PTPRN2: variants seen among roughly 807,000 people sequenced by gnomAD.
PTPRN2 encodes receptor-type tyrosine-protein phosphatase N2.
A neutral mutation model predicts 118.8 loss-of-function variants in PTPRN2; 74 were observed. The ratio of observed to expected loss-of-function variants is 0.62; its 90% confidence interval spans 0.52 to 0.76. The LOEUF is 0.76. Ranked by LOEUF, PTPRN2 falls within the 30% of genes least tolerant of loss-of-function variation. The pLI is 0.00. For synonymous variants in PTPRN2, 641 were observed against 608.0 expected, an observed-to-expected ratio of 1.05 and a Z score of -0.80; for missense variants, 1,481 against 1,394.4, an observed-to-expected ratio of 1.06 and a Z score of -0.99.
At chr7:158,560,608 C>G (rs1405630026) in intron 1 of PTPRN2, among the ~76,000 whole-genome samples, 2 of 152,280 alleles carry the variant, frequency 1.3e-5, no homozygotes, top group Non-Finnish European at 2.9e-5. Flanking sequence ...CGGTTCCTCA[C>G]TGTGTCCCCA....
chr7:158,498,876 A>T (rs1822150654), intron 1 of PTPRN2, among the ~76,000 whole-genome samples: 1 of 152,248 alleles, frequency 6.6e-6, no homozygotes, highest in African/African-American at 2.4e-5. Flanking sequence ...AAGTGAGAAT[A>T]AAGTGAAGAA....
intron 15 of PTPRN2, 76 bp from the exon 16 acceptor site, chr7:157,604,151 GC>G: frequency 2.2e-6 from 3 of 1,374,328 alleles, no homozygotes; most frequent in Non-Finnish European, 1.0e-6. Flanking sequence ...GGCCTCCAGG[GC>G]CCCCCACCCA....
At position 157,709,587 on chromosome 7, in the gene PTPRN2, TG is replaced by T. The variant is rs1798496514; in HGVS notation, c.1789-26651del. On this transcript the variant is annotated intron_variant, in intron 12 of 22. Coordinates refer to ENST00000389418, the MANE Select transcript of PTPRN2 (RefSeq NM_002847.5). ...GCGAGCCCCCCAGCTCTGTCTTCTATGGGGACTTCGACCTCGCTCCACGTTG... is the reference window on the plus strand; with the variant it reads ...GCGAGCCCCCCAGCTCTGTCTTCTATGGGACTTCGACCTCGCTCCACGTTG... 2.0e-5 allele frequency among the ~76,000 whole-genome samples: 3 copies of T among 152,326 alleles called. No homozygotes were observed. In the South Asian group the frequency reaches 6.2e-4, roughly 32 times the overall value.
At chr7:158,225,188 C>T (rs1376257679) in intron 3 of PTPRN2, among the ~76,000 whole-genome samples, 1 of 151,660 alleles carries the variant, frequency 6.6e-6, no homozygotes, top group Non-Finnish European at 1.5e-5. Context: ...AAAAACTAAA[C>T]ATATACTTAT....
At chr7:158,165,001 A>T (rs1410933988) in intron 6 of PTPRN2, among the ~76,000 whole-genome samples, 1 of 54,940 alleles carries the variant, frequency 1.8e-5, no homozygotes, top group African/African-American at 4.9e-5. Context: ...TCCAGGACCT[A>T]CGAGAGTGCA....
intron 12 of PTPRN2, among the ~76,000 whole-genome samples, chr7:157,735,884 C>T (rs1031014476): frequency 2.6e-5 from 4 of 152,176 alleles, no homozygotes; most frequent in East Asian, 1.9e-4. Context: ...GTGTTGATAG[C>T]GATCGGCACA....
intron 12 of PTPRN2, among the ~76,000 whole-genome samples, chr7:157,887,418 TTCCCCCA>T (rs1796518504): frequency 4.5e-5 from 2 of 44,462 alleles, no homozygotes; most frequent in African/African-American, 1.0e-4. Context: ...CAGTACCCAC[TTCCCCCA>T]GTACCCACTC....
chr7:158,453,900 T>C (rs545911181), intron 2 of PTPRN2, among the ~76,000 whole-genome samples: 1 of 81,650 alleles, frequency 1.2e-5, no homozygotes, highest in East Asian at 3.1e-4. Flanking sequence ...CAATCACCGA[T>C]GTCAGGATTG....
In PTPRN2 at chr7:157,785,201, C is replaced by T. The variant is rs899689498; in HGVS notation, c.1789-102264G>A. ...GGCTCTGGCATGGAGCAGGATAACC[C>T]GGGCCCACGTGGGGACACGCCCCGC... On this transcript the variant is annotated intron_variant, in intron 12 of 22. Transcript: ENST00000389418. The surrounding 1 kb of genome is among the most constrained non-coding windows in gnomAD (Gnocchi z 7.3). Among the ~76,000 whole-genome samples the T allele has an allele frequency of 6.6e-6, 1 of 151,984 alleles. No individual in the cohort carries two copies. Among genetic ancestry groups the T allele is most frequent in the African/African-American group, 2.4e-5 (1 of 41,394 alleles).
At chr7:157,577,884 A>G (rs1342085079) in intron 18 of PTPRN2, 137 bp downstream of exon 18, 10 of 1,166,500 alleles carry the variant, frequency 8.6e-6, no homozygotes, top group African/African-American at 6.3e-5. Context: ...CTCAGCCTCC[A>G]TCCCCTGAAC....
rs1247252648 is a variant in PTPRN2, at chr7:158,093,224, C to A, written c.1644-11847G>T. On this transcript the variant is annotated intron_variant, in intron 10 of 22. Transcript: ENST00000389418. The surrounding 1 kb of genome is among the most constrained non-coding windows in gnomAD (Gnocchi z 4.4). The stretch of plus-strand genomic sequence containing the variant: ...TTTCCTGACTCTGCCGCTGGACCGA[C>A]CCCCCACACTGTAGACCCACACGCA... Among the ~76,000 whole-genome samples, 1 of 11,718 alleles carries A rather than the reference C, an allele frequency of 8.5e-5. No homozygotes were observed. Among genetic ancestry groups the A allele is most frequent in the Non-Finnish European group, 1.1e-3 (1 of 894 alleles). The allele number at this position is 11,718 out of a possible 152,430, so 7.7% of individuals were successfully genotyped here. A position where few individuals can be genotyped will look rare whatever the true frequency, so the allele number is the denominator to read the frequency against.
At chr7:157,923,650 A>G (rs1362127355) in intron 11 of PTPRN2, among the ~76,000 whole-genome samples, 4 of 152,054 alleles carry the variant, frequency 2.6e-5, no homozygotes, top group African/African-American at 9.7e-5. Context: ...GACGGATAAA[A>G]CCCCAGAAAC....
intron 1 of PTPRN2, among the ~76,000 whole-genome samples, chr7:158,557,978 A>G (rs1029613137): frequency 6.6e-6 from 1 of 152,100 alleles, no homozygotes; most frequent in Non-Finnish European, 1.5e-5. Flanking sequence ...CCCCTTTTAA[A>G]TAATTCTTTG....
At chr7:158,104,323 T>C (rs1374835695) in intron 10 of PTPRN2, among the ~76,000 whole-genome samples, 6 of 152,054 alleles carry the variant, frequency 3.9e-5, no homozygotes, top group Non-Finnish European at 5.9e-5. Context: ...GCTCAAAGAC[T>C]CCTGAGAAAG....
intron 12 of PTPRN2, among the ~76,000 whole-genome samples, chr7:157,894,984 C>T (rs1797017177): frequency 6.6e-6 from 1 of 152,062 alleles, no homozygotes; most frequent in Admixed American, 6.5e-5. Context: ...TTCAGTATCA[C>T]CAATCCCTGC....
chr7:157,653,947 C>A (rs1270970752), intron 14 of PTPRN2, among the ~76,000 whole-genome samples: 1 of 134,046 alleles, frequency 7.5e-6, no homozygotes, highest in Non-Finnish European at 1.6e-5. Flanking sequence ...GCACACGATG[C>A]CCGCTGCTCC....
Position 157,610,223 on chromosome 7 carries a change from C to T in PTPRN2, c.2345-6148G>A, listed in dbSNP as rs575872427. 1.1e-4 allele frequency among the ~76,000 whole-genome samples: 16 copies of T among 152,244 alleles called. No homozygotes were observed. Among genetic ancestry groups the T allele is most frequent in the South Asian group, 4.2e-4 (2 of 4,812 alleles). ...GCCACTGCTGAGTCCAGGGGCCTCA[C>T]GGAACTTGGCAATGGGGTTCCCTCC... is the stretch of plus-strand genomic sequence containing the variant. On this transcript the variant is annotated intron_variant, in intron 15 of 22. Coordinates refer to ENST00000389418, the MANE Select transcript of PTPRN2 (RefSeq NM_002847.5). This position sits in a 1 kb window ranked among gnomAD's most constrained non-coding sequence, Gnocchi z 5.1.
chr7:158,201,441 A>G (rs1826641876), intron 4 of PTPRN2, among the ~76,000 whole-genome samples: 1 of 152,224 alleles, frequency 6.6e-6, no homozygotes, highest in Admixed American at 6.5e-5. Context: ...AGACAAAGGG[A>G]AAAAATCAAA....
At chr7:158,585,192 C>T (rs906643100) in intron 1 of PTPRN2, among the ~76,000 whole-genome samples, 1 of 152,188 alleles carries the variant, frequency 6.6e-6, no homozygotes, top group African/African-American at 2.4e-5. Flanking sequence ...AAAGCTTCTC[C>T]TTGCATTCTC....
Sources: gnomAD v4.1 joint callset for allele counts (sites outside exome capture counted in the v4.1 genomes callset) on GRCh38, gnomAD v4.1.1 for gene constraint, Gnocchi (gnomAD v3.1) non-coding constraint, MANE v1.5 for transcripts, NCBI Gene and HGNC (gene_info 2026-07-23, HGNC 2026-07-21) for gene names.